Variants in BTBD19 observed in about 807,000 individuals in gnomAD.
The protein encoded by BTBD19 is BTB/POZ domain-containing protein 19.
BTBD19 carries 20 observed loss-of-function variants against 36.1 expected under a neutral mutation model. The observed-to-expected ratio is 0.55, with a 90% CI of 0.39 to 0.80. The LOEUF (loss-of-function observed/expected upper bound fraction) is 0.80, where lower values mean the gene tolerates loss of function less well. Among genes scored for constraint, BTBD19 ranks in the 30% least tolerant of loss-of-function variants. The pLI is 0.00. For missense variants in BTBD19, 325 were observed against 389.8 expected (o/e 0.83, Z 1.40); for synonymous variants, 157 against 174.3 (o/e 0.90, Z 0.78).
At position 44,808,755 on chromosome 1, in the gene BTBD19, C is replaced by T. The variant is rs1056087410; in HGVS notation, c.-66C>T. The T allele has an allele frequency of 2.9e-5, 36 of 1,225,756 alleles. No homozygotes were observed. In the South Asian group the frequency reaches 4.5e-4, roughly 15 times the overall value. 75.9% of individuals were successfully genotyped at this position (1,225,756 alleles called of 1,614,324 possible). A position where few individuals can be genotyped will look rare whatever the true frequency, so the allele number is the denominator to read the frequency against. ...CTTCTCCCTCTCAGGCCTTGCTAAC[C>T]TCACCAGCTCTAGGGCCTGGCCAGG... is the stretch of plus-strand genomic sequence containing the variant. On this transcript the variant is annotated 5_prime_UTR_variant, in exon 1 of 8. Transcript: ENST00000450269.
rs1652524096 is a variant in BTBD19, at chr1:44,813,350, C to T, written c.616-24C>T. 6.5e-7 allele frequency: 1 copy of T among 1,543,260 alleles called. No individual in the cohort carries two copies. The highest frequency in any genetic ancestry group is 2.4e-5 in the East Asian group (1 of 40,906). Reference sequence around the variant, plus strand: ...GGTGAGCGGGCGGCAGGACAGGTGCCCGACTCAGGGCTGGCGTTTGCAGGC... The same window carrying T: ...GGTGAGCGGGCGGCAGGACAGGTGCTCGACTCAGGGCTGGCGTTTGCAGGC... On this transcript the variant is annotated intron_variant, in intron 6 of 7. Coordinates refer to ENST00000450269, the Ensembl canonical transcript of BTBD19. This position sits in a 1 kb window ranked among gnomAD's most constrained non-coding sequence, Gnocchi z 7.8.
chr1:44,811,816 G>T, intron 3 of BTBD19: 1 of 347,618 alleles, frequency 2.9e-6, no homozygotes. Context: ...AGTGGCGAAT[G>T]TACTAGAAGG....
At position 44,810,321 on chromosome 1, in the gene BTBD19, C is replaced by T. The variant is rs1335285720; in HGVS notation, c.195C>T (p.Gly65=). 1.9e-6 allele frequency: 3 copies of T among 1,551,798 alleles called. No homozygotes were observed. In the African/African-American group the frequency reaches 4.1e-5, roughly 21 times the overall value. ...AGCGACTTCTGGGCACAGAGCCAGG[C>T]CCCGGGGTGCCCAGTCCTGTGGTGC... Residue 65 remains glycine (G), a synonymous_variant, in exon 2 of 8, where the codon GGC becomes GGT. Coordinates refer to ENST00000450269, the Ensembl canonical transcript of BTBD19. The surrounding 1 kb of genome is among the most constrained non-coding windows in gnomAD (Gnocchi z 4.2).
chr1:44,812,967 C>A, intron 4 of BTBD19, 29 bp from the exon 5 acceptor site: 1 of 1,534,100 alleles, frequency 6.5e-7, no homozygotes, highest in Non-Finnish European at 8.8e-7. Context: ...CTCCAGTCTC[C>A]AACCTGATCT....
Position 44,813,188 on chromosome 1 carries a change from G to C in BTBD19, c.534G>C (p.Leu178=). 1 of 1,537,726 alleles carries C rather than the reference G, an allele frequency of 6.5e-7. No homozygotes were observed. The highest frequency in any genetic ancestry group is 8.7e-7 in the Non-Finnish European group (1 of 1,144,728). ...TGGAGCTGTCGGCGGCCGCGCTGCTGCCCCTGCTCCGCAGCGACAAGCTCT... is the reference window on the plus strand; with the variant it reads ...TGGAGCTGTCGGCGGCCGCGCTGCTCCCCCTGCTCCGCAGCGACAAGCTCT... Residue 178 remains leucine, a synonymous_variant, in exon 6 of 8, where the codon CTG becomes CTC. Transcript: ENST00000450269. The surrounding 1 kb of genome is among the most constrained non-coding windows in gnomAD (Gnocchi z 7.8).
chr1:44,814,203 T>C (rs1212385705), downstream of BTBD19: 3 of 137,732 alleles, frequency 2.2e-5, no homozygotes, highest in Non-Finnish European at 4.4e-5. Flanking sequence ...TCTTTCTTTC[T>C]TTCTTTCTTT....
chr1:44,808,994 G>A, intron 1 of BTBD19, 88 bp downstream of exon 1: 2 of 1,172,412 alleles, frequency 1.7e-6, no homozygotes, highest in South Asian at 1.7e-5. Flanking sequence ...AAGAGGCTGG[G>A]AATTAGAACT....
At position 44,813,536 on chromosome 1, in the gene BTBD19, A is replaced by C; in HGVS notation, c.741+37A>C. On this transcript the variant is annotated intron_variant, in intron 7 of 7. Transcript: ENST00000450269. This position sits in a 1 kb window ranked among gnomAD's most constrained non-coding sequence, Gnocchi z 7.8. ...GGGAACCGGCCCAGCTCCACTCAGC[A>C]GGGGGTACAGGGCGCTGGGAGGGGG... is the stretch of plus-strand genomic sequence containing the variant. The C allele has an allele frequency of 1.3e-6, 2 of 1,543,334 alleles. No homozygotes were observed. Among genetic ancestry groups the C allele is most frequent in the Non-Finnish European group, 1.8e-6 (2 of 1,141,962 alleles).
At position 44,813,441 on chromosome 1, in the gene BTBD19, T is replaced by G. The variant is rs753988069; in HGVS notation, c.683T>G (p.Leu228Arg). Residue 228 changes from leucine (L) to arginine (R), a missense_variant, in exon 7 of 8, where the codon CTG becomes CGG. By Grantham distance (102) the Leu-to-Arg change is moderately radical. Coordinates refer to ENST00000450269, the Ensembl canonical transcript of BTBD19. This position sits in a 1 kb window ranked among gnomAD's most constrained non-coding sequence, Gnocchi z 7.8. ...GTGAAAGAGCTGAGACTAGCCTTGC[T>G]GGCCCCGGCGGAGCTGAGCGCCCTG... 40 of 1,544,470 alleles carry G rather than the reference T, an allele frequency of 2.6e-5. 2 individuals are homozygous for G. The South Asian group carries it at 4.0e-4, about 16-fold the overall frequency.
Position 44,810,973 on chromosome 1 carries a change from A to C in BTBD19, c.354+366A>C, listed in dbSNP as rs1652386898. Among the ~76,000 whole-genome samples, 1 of 152,194 alleles carries C rather than the reference A, an allele frequency of 6.6e-6. No individual in the cohort carries two copies. The highest frequency in any genetic ancestry group is 6.5e-5 in the Admixed American group (1 of 15,270). On this transcript the variant is annotated intron_variant, in intron 3 of 7. Transcript: ENST00000450269. This position sits in a 1 kb window ranked among gnomAD's most constrained non-coding sequence, Gnocchi z 4.2. The stretch of plus-strand genomic sequence containing the variant: ...AGTGGCTCACGCCTGTAATCCCAGC[A>C]CTTTGGGAAGCTGAAGCAGGTGGAT...
At position 44,813,154 on chromosome 1, in the gene BTBD19, G is replaced by C. The variant is rs760937711; in HGVS notation, c.500G>C (p.Arg167Pro). The C allele has an allele frequency of 1.3e-6, 2 of 1,548,064 alleles. No individual in the cohort carries two copies. The highest frequency in any genetic ancestry group is 1.7e-6 in the Non-Finnish European group (2 of 1,144,670). ...GGCTCGCAGGAGGCCCTCCGGACCC[G>C]AGGCTTCCTGGAGCTGTCGGCGGCC... The change falls in exon 6 of 8, where the codon CGA becomes CCA. Residue 167 changes from arginine (R) to proline (P), a missense_variant. Transcript: ENST00000450269. The surrounding 1 kb of genome is among the most constrained non-coding windows in gnomAD (Gnocchi z 7.8).
Position 44,813,624 on chromosome 1 carries a change from G to A in BTBD19, c.742-14G>A. On this transcript the variant is annotated splice_polypyrimidine_tract_variant and intron_variant, in intron 7 of 7. Coordinates refer to ENST00000450269, the Ensembl canonical transcript of BTBD19. This position sits in a 1 kb window ranked among gnomAD's most constrained non-coding sequence, Gnocchi z 7.8. ...CCACCGCGGGACTGCGCACTAACTG[G>A]CCTTGCTCTGCAGGTGGAGCAGATT... 1.3e-6 allele frequency: 2 copies of A among 1,547,714 alleles called. No homozygotes were observed. Among genetic ancestry groups the A allele is most frequent in the Non-Finnish European group, 1.7e-6 (2 of 1,144,058 alleles).
chr1:44,811,023 C>T (rs1376692185), intron 3 of BTBD19, among the ~76,000 whole-genome samples: 1 of 152,076 alleles, frequency 6.6e-6, no homozygotes, highest in African/African-American at 2.4e-5. Flanking sequence ...AGTTCCAGAC[C>T]AGCCTGGGCA....
downstream of BTBD19, chr1:44,814,140 TTTTCTTTCTC>T (rs1484888861): frequency 1.5e-4 from 38 of 256,060 alleles, 1 homozygote; most frequent in Admixed American, 1.0e-3. Context: ...TTTCTTTTCT[TTTTCTTTCTC>T]TTTCTTTCTT....
At position 44,813,269 on chromosome 1, in the gene BTBD19, G is replaced by A. The variant is rs1335106165; in HGVS notation, c.615G>A (p.Ala205=). The change falls in exon 6 of 8, where the codon GCG becomes GCA. Residue 205 remains alanine (A), a splice_region_variant and synonymous_variant. Transcript: ENST00000450269. This position sits in a 1 kb window ranked among gnomAD's most constrained non-coding sequence, Gnocchi z 7.8. ...CCCGAAGCTGGGCGCGCGTGGGCGC[G>A]GTGAGTGGGGCTGGGGGAGCGCAAG... The A allele has an allele frequency of 2.0e-6, 3 of 1,535,858 alleles. No homozygotes were observed. The highest frequency in any genetic ancestry group is 2.6e-6 in the Non-Finnish European group (3 of 1,143,672).
chr1:44,813,303 A>C lies in BTBD19; in HGVS notation c.615+34A>C. 1 of 1,537,944 alleles carries C rather than the reference A, an allele frequency of 6.5e-7. No homozygotes were observed. Among genetic ancestry groups the C allele is most frequent in the Non-Finnish European group, 8.7e-7 (1 of 1,145,272 alleles). ...GGCTGGGGGAGCGCAAGGGCACGGA[A>C]GGAGGTGCTGGCCACGAGACTGGTG... is the stretch of plus-strand genomic sequence containing the variant. On this transcript the variant is annotated intron_variant, in intron 6 of 7. Transcript: ENST00000450269. This position sits in a 1 kb window ranked among gnomAD's most constrained non-coding sequence, Gnocchi z 7.8.
chr1:44,808,887 G>A, exon 1 of BTBD19: 1 of 1,550,236 alleles, frequency 6.5e-7, no homozygotes, highest in Non-Finnish European at 8.7e-7. Flanking sequence ...CCGAAGCCTT[G>A]TCAACAACCC....
chr1:44,813,726 C>A lies in BTBD19; in HGVS notation c.830C>A (p.Thr277Asn), dbSNP rs1374475267. The change falls in exon 8 of 8, where the codon ACC becomes AAC. Residue 277 changes from threonine (T) to asparagine (N), a missense_variant. Thr to Asn is a moderately conservative substitution (Grantham distance 65). Transcript: ENST00000450269. The surrounding 1 kb of genome is among the most constrained non-coding windows in gnomAD (Gnocchi z 7.8). ...GCCCCGTGTCGCCGCCGGAGAGGCA[C>A]CCTGCCCCGGGAGCATCACCGCTTT... The A allele has an allele frequency of 1.9e-6, 3 of 1,551,546 alleles. No individual in the cohort carries two copies. The South Asian group carries it at 3.6e-5, about 18-fold the overall frequency.
intron 3 of BTBD19, among the ~76,000 whole-genome samples, chr1:44,811,248 G>T (rs962876986): frequency 6.6e-6 from 1 of 151,276 alleles, no homozygotes; most frequent in Non-Finnish European, 1.5e-5. Context: ...AAGAAAGTGT[G>T]ATAGAGAAGC....
Sources: gnomAD v4.1 joint callset for allele counts (sites outside exome capture counted in the v4.1 genomes callset) on GRCh38, gnomAD v4.1.1 for gene constraint, Gnocchi (gnomAD v3.1) non-coding constraint, MANE v1.5 for transcripts, NCBI Gene and HGNC (gene_info 2026-07-23, HGNC 2026-07-21) for gene names.